CENPU: variants seen among roughly 807,000 people sequenced by gnomAD.
CENPU encodes the protein centromere protein U, also known as KSHV latent nuclear antigen interacting protein 1.
In CENPU, 46 loss-of-function variants were observed where a neutral mutation model predicts 56.7. The ratio of observed to expected loss-of-function variants is 0.81; its 90% confidence interval spans 0.64 to 1.04. CENPU has a LOEUF of 1.04. Ranked by LOEUF, CENPU falls within the 50% of genes least tolerant of loss-of-function variation. The pLI is 0.00. For missense variants in CENPU, 510 were observed against 490.1 expected (o/e 1.04, Z -0.38); for synonymous variants, 166 against 163.0 (o/e 1.02, Z -0.14).
chr4:184,702,055 T>C (rs753844345), intron 10 of CENPU, 34 bp downstream of exon 10: 1 of 1,420,604 alleles, frequency 7.0e-7, no homozygotes, highest in Non-Finnish European at 9.9e-7. Flanking sequence ...GTATTGTGTT[T>C]GACTCTATGA....
intron 4 of CENPU, among the ~76,000 whole-genome samples, chr4:184,721,837 C>A (rs1761288576): frequency 6.6e-6 from 1 of 152,178 alleles, no homozygotes; most frequent in South Asian, 2.1e-4. Context: ...CTGGAGAGAT[C>A]TTCCAGACAG....
At chr4:184,714,963 A>G (rs955344752) in intron 6 of CENPU, among the ~76,000 whole-genome samples, 6 of 152,206 alleles carry the variant, frequency 3.9e-5, no homozygotes. Context: ...ACCTCAACTG[A>G]CATTTACAGA....
chr4:184,726,368 A>AG (rs1269117167), intron 3 of CENPU, among the ~76,000 whole-genome samples: 1 of 146,444 alleles, frequency 6.8e-6, no homozygotes, highest in Non-Finnish European at 1.5e-5. Context: ...AGAAGGTCAA[A>AG]GGGAAAAAAA....
intron 1 of CENPU, among the ~76,000 whole-genome samples, chr4:184,733,141 AGCTGACATTGAAG>A (rs1351931628): frequency 6.6e-6 from 1 of 152,250 alleles, no homozygotes; most frequent in Non-Finnish European, 1.5e-5. Context: ...AACTCTTTTC[AGCTGACATTGAAG>A]GCTGACATTC....
At chr4:184,698,084 A>G (rs1196280981) in intron 11 of CENPU, 2 of 300,344 alleles carry the variant, frequency 6.7e-6, no homozygotes, top group African/African-American at 4.4e-5. Context: ...AGTCTTGGGA[A>G]CTACTGGATC....
chr4:184,710,696 C>G (rs1359054008), intron 7 of CENPU, among the ~76,000 whole-genome samples: 2 of 152,092 alleles, frequency 1.3e-5, no homozygotes, highest in African/African-American at 4.8e-5. Context: ...ATTTAACCTT[C>G]CAGAGGCTGT....
intron 12 of CENPU, among the ~76,000 whole-genome samples, chr4:184,696,040 T>C (rs1461649022): frequency 6.6e-6 from 1 of 152,236 alleles, no homozygotes. Flanking sequence ...AAACTTCCAG[T>C]TGCAAATTGT....
In CENPU at chr4:184,694,573, C is replaced by G. The variant is rs147304362; in HGVS notation, c.*715G>C. 1.2e-4 allele frequency: 192 copies of G among 1,613,952 alleles called. 1 individual carries two copies. Among genetic ancestry groups the G allele is most frequent in the Middle Eastern group, 4.9e-4 (3 of 6,084 alleles). ...AGATGAAACTAGGAGCAATGAAACC[C>G]AGAATCCTCATAAACCATCACCTAG... is the stretch of plus-strand genomic sequence containing the variant. On this transcript the variant is annotated 3_prime_UTR_variant, in exon 13 of 13. Coordinates refer to ENST00000281453, the MANE Select transcript of CENPU (RefSeq NM_024629.4).
chr4:184,702,133 T>C lies in CENPU; in HGVS notation c.880A>G (p.Lys294Glu). The C allele has an allele frequency of 6.2e-7, 1 of 1,606,478 alleles. No homozygotes were observed. The highest frequency in any genetic ancestry group is 8.5e-7 in the Non-Finnish European group (1 of 1,174,634). ...NVKEQFIKML[K>E]ESQMLTNLKR... Reference sequence around the variant, plus strand: ...AGATTTGTCAACATCTGGCTTTCTTTAAGCTACACAAAACAAAAAATACAC... The same window carrying C: ...AGATTTGTCAACATCTGGCTTTCTTCAAGCTACACAAAACAAAAAATACAC... The change falls in exon 10 of 13, where the codon AAA becomes GAA. Residue 294 changes from lysine to glutamate, a missense_variant. Transcript: ENST00000281453.
chr4:184,711,094 C>CCTAACCCT lies in CENPU; in HGVS notation c.689-915_689-914insAGGGTTAG, dbSNP rs201713477. The stretch of plus-strand genomic sequence containing the variant: ...CTGGTCTTGAACTCCTGGGCTCAAG[C>CCTAACCCT]AATCTCTCACCTCAGCCTCCCAAAG... On this transcript the variant is annotated intron_variant, in intron 7 of 12. Coordinates refer to ENST00000281453, the MANE Select transcript of CENPU (RefSeq NM_024629.4). Among the ~76,000 whole-genome samples, 1,476 of 152,132 alleles carry CCTAACCCT rather than the reference C, an allele frequency of 9.7e-3. 31 individuals are homozygous for CCTAACCCT. The highest frequency in any genetic ancestry group is 0.039 in the South Asian group (188 of 4,818).
chr4:184,694,821 C>T lies in CENPU; in HGVS notation c.*467G>A, dbSNP rs1324281866. On this transcript the variant is annotated 3_prime_UTR_variant, in exon 13 of 13. Coordinates refer to ENST00000281453, the MANE Select transcript of CENPU (RefSeq NM_024629.4). ...ACTTTTGTCACCAGGCTATAATTTG[C>T]CTGATGTCTGTGAGATTTGATAAAT... 3 of 1,524,750 alleles carry T rather than the reference C, an allele frequency of 2.0e-6. No individual in the cohort carries two copies. The highest frequency in any genetic ancestry group is 2.7e-5 in the African/African-American group (2 of 72,750). 94.5% of individuals were successfully genotyped at this position (1,524,750 alleles called of 1,614,324 possible). A position where few individuals can be genotyped will look rare whatever the true frequency, so the allele number is the denominator to read the frequency against.
chr4:184,710,739 C>A (rs745407506), intron 7 of CENPU, among the ~76,000 whole-genome samples: 4 of 152,186 alleles, frequency 2.6e-5, no homozygotes, highest in Non-Finnish European at 4.4e-5. Flanking sequence ...AAACAATGCT[C>A]TCCCTTTTAT....
At chr4:184,698,305 C>T (rs989421267) in intron 11 of CENPU, 6 of 152,208 alleles carry the variant, frequency 3.9e-5, no homozygotes, top group African/African-American at 1.4e-4. Context: ...CTCTCAGTGG[C>T]TGAGTTTCTT....
chr4:184,724,918 T>C (rs372170828), intron 4 of CENPU, 39 bp downstream of exon 4: 8 of 1,310,450 alleles, frequency 6.1e-6, no homozygotes, highest in African/African-American at 5.9e-5. Flanking sequence ...AGAAATCCCA[T>C]TAACCATGAA....
chr4:184,732,828 C>A (rs939129256), intron 1 of CENPU, among the ~76,000 whole-genome samples: 1 of 152,058 alleles, frequency 6.6e-6, no homozygotes, highest in African/African-American at 2.4e-5. Context: ...ATGGTGAAAC[C>A]CCGTCTTTAC....
At chr4:184,703,110 A>G (rs1043040374) in intron 8 of CENPU, among the ~76,000 whole-genome samples, 2 of 152,224 alleles carry the variant, frequency 1.3e-5, no homozygotes, top group Non-Finnish European at 2.9e-5. Flanking sequence ...CAGCAAAAGA[A>G]AAAGAACAAA....
At chr4:184,725,310 T>A (rs1221156884) in intron 3 of CENPU, among the ~76,000 whole-genome samples, 1 of 152,220 alleles carries the variant, frequency 6.6e-6, no homozygotes. Flanking sequence ...TACATGGAAT[T>A]ATTTTTGGTT....
intron 8 of CENPU, among the ~76,000 whole-genome samples, chr4:184,706,606 T>A (rs1285645529): frequency 2.0e-5 from 3 of 152,248 alleles, no homozygotes; most frequent in Non-Finnish European, 4.4e-5. Flanking sequence ...CATACTGATA[T>A]GACAGTGAAG....
intron 3 of CENPU, among the ~76,000 whole-genome samples, chr4:184,727,764 A>C (rs1761508744): frequency 6.6e-6 from 1 of 152,258 alleles, no homozygotes; most frequent in African/African-American, 2.4e-5. Context: ...TAACTGATAA[A>C]TGGGTAACAA....
Sources: gnomAD v4.1 joint callset for allele counts (sites outside exome capture counted in the v4.1 genomes callset) on GRCh38, gnomAD v4.1.1 for gene constraint, MANE v1.5 for transcripts, NCBI Gene and HGNC (gene_info 2026-07-23, HGNC 2026-07-21) for gene names.